Variants in OSBPL10 observed in about 807,000 individuals in gnomAD.
The protein encoded by OSBPL10 is oxysterol-binding protein-related protein 10.
OSBPL10 carries 49 observed loss-of-function variants against 81.7 expected under a neutral mutation model. That is an observed-to-expected ratio of 0.60 (90% CI 0.48 to 0.76). The LOEUF is 0.76. Ranked by LOEUF, OSBPL10 falls within the 30% of genes least tolerant of loss-of-function variation. The pLI, the probability that OSBPL10 is intolerant of heterozygous loss-of-function variation, is 0.00. For synonymous variants in OSBPL10, 419 were observed against 383.6 expected (o/e 1.09, Z -1.08); for missense variants, 923 against 987.8 (o/e 0.93, Z 0.88).
intron 1 of OSBPL10, among the ~76,000 whole-genome samples, chr3:31,917,873 TG>T (rs1458878037): frequency 6.6e-6 from 1 of 151,778 alleles, no homozygotes; most frequent in Non-Finnish European, 1.5e-5. Flanking sequence ...ATACTTAAAA[TG>T]TGTGATTACA....
rs1322548186 is a variant in OSBPL10 at position 31,965,730 on chromosome 3, TA to T, written c.281+15168del. Among the ~76,000 whole-genome samples the T allele has an allele frequency of 1.6e-4, 12 of 73,990 alleles. 2 individuals are homozygous for T. Among genetic ancestry groups the T allele is most frequent in the Non-Finnish European group, 2.5e-4 (11 of 44,300 alleles). The allele number at this position is 73,990 out of a possible 152,430, so 48.5% of individuals were successfully genotyped here. A position where few individuals can be genotyped will look rare whatever the true frequency, so the allele number is the denominator to read the frequency against. ...TATATAAAATATATAATATAATATA[TA>T]TTATCTATTTATATAATATATATTA... On this transcript the variant is annotated intron_variant, in intron 1 of 11. Coordinates refer to ENST00000396556, the MANE Select transcript of OSBPL10 (RefSeq NM_017784.5).
intron 1 of OSBPL10, among the ~76,000 whole-genome samples, chr3:31,973,226 C>T (rs2125494832): frequency 6.6e-6 from 1 of 152,302 alleles, no homozygotes; most frequent in Admixed American, 6.5e-5. Context: ...CCACAAGCAG[C>T]CTCTGAGGAA....
rs554933895 is a variant in OSBPL10 at position 31,717,441 on chromosome 3, T to C, written c.1096-14933A>G. ...TACGCCTATTCCGTCCTGATTTCTG[T>C]AAATATTAACAAACCAAGAAGAAAG... On this transcript the variant is annotated intron_variant, in intron 6 of 11. Transcript: ENST00000396556. Among the ~76,000 whole-genome samples the C allele has an allele frequency of 5.3e-5, 8 of 152,274 alleles. No homozygotes were observed. The South Asian group carries it at 6.2e-4, about 12-fold the overall frequency.
At chr3:32,016,966 T>G (rs1448630456) in intron 2 of OSBPL10, among the ~76,000 whole-genome samples, 1 of 152,188 alleles carries the variant, frequency 6.6e-6, no homozygotes, top group Non-Finnish European at 1.5e-5. Context: ...TGAAAAGTCT[T>G]TACTCCTTAT....
In OSBPL10 at chr3:31,696,426, G is replaced by A. The variant is rs151195429; in HGVS notation, c.1245+5933C>T. Among the ~76,000 whole-genome samples, 514 of 152,196 alleles carry A rather than the reference G, an allele frequency of 3.4e-3. 3 individuals are homozygous for A. The highest frequency in any genetic ancestry group is 0.011 in the African/African-American group (477 of 41,518). On this transcript the variant is annotated intron_variant, in intron 7 of 11. Coordinates refer to ENST00000396556, the MANE Select transcript of OSBPL10 (RefSeq NM_017784.5). ...CTTTAAAGAGCTATCTTTACTCCCC[G>A]TCTTTATACCACATTTTTTCCCATT...
intron 4 of OSBPL10, among the ~76,000 whole-genome samples, chr3:31,812,741 A>G (rs1412101897): frequency 2.1e-4 from 5 of 23,376 alleles, no homozygotes; most frequent in Non-Finnish European, 2.9e-4. Context: ...AAAGAAAGAA[A>G]GAAAGAAAGA....
At chr3:32,074,709 C>T (rs753654888) in intron 1 of OSBPL10, among the ~76,000 whole-genome samples, 3 of 152,096 alleles carry the variant, frequency 2.0e-5, no homozygotes, top group Non-Finnish European at 2.9e-5. Flanking sequence ...CCATGAAAAC[C>T]GAACCCCTCC....
intron 3 of OSBPL10, among the ~76,000 whole-genome samples, chr3:31,839,954 C>T (rs1700452800): frequency 6.7e-6 from 1 of 148,836 alleles, no homozygotes; most frequent in African/African-American, 2.4e-5. Context: ...TTGTTATTTG[C>T]ATACAATTTA....
At chr3:31,875,552 C>CT (rs1355287004) in intron 3 of OSBPL10, among the ~76,000 whole-genome samples, 3 of 54,232 alleles carry the variant, frequency 5.5e-5, no homozygotes, top group South Asian at 2.3e-3. Context: ...GGGGATGTTT[C>CT]TTTAAAAAAA....
chr3:32,019,649 T>C (rs956284467), intron 2 of OSBPL10, among the ~76,000 whole-genome samples: 2 of 152,226 alleles, frequency 1.3e-5, no homozygotes, highest in African/African-American at 4.8e-5. Context: ...TTGGCCTCAT[T>C]TGTAAATATC....
At chr3:31,961,506 T>A (rs1223362984) in intron 1 of OSBPL10, among the ~76,000 whole-genome samples, 1 of 152,188 alleles carries the variant, frequency 6.6e-6, no homozygotes, top group African/African-American at 2.4e-5. Flanking sequence ...CTAAAACTGC[T>A]CTATTTAGAG....
At chr3:31,748,217 T>C (rs538733013) in intron 4 of OSBPL10, 97 bp from the exon 5 acceptor site, 1 of 1,069,710 alleles carries the variant, frequency 9.3e-7, no homozygotes, top group East Asian at 2.6e-5. Context: ...TAAAACTAGG[T>C]GAGGGTCAAC....
chr3:32,042,337 A>T (rs1559553949), intron 2 of OSBPL10, among the ~76,000 whole-genome samples: 2 of 152,298 alleles, frequency 1.3e-5, no homozygotes, highest in East Asian at 3.9e-4. Context: ...GCATAATAAC[A>T]TGGTTTGTTT....
In OSBPL10 at chr3:31,783,146, T is replaced by TATATATATATATACAC. The variant is rs1485968747; in HGVS notation, c.730-35027_730-35026insGTGTATATATATATAT. On this transcript the variant is annotated intron_variant, in intron 4 of 11. Coordinates refer to ENST00000396556, the MANE Select transcript of OSBPL10 (RefSeq NM_017784.5). ...ATATATATATATATATATATATATATACACACACACCATAGAATACTACTC... is the reference window on the plus strand; with the variant it reads ...ATATATATATATATATATATATATATATATATATATATACACACACACACACCATAGAATACTACTC... 9.0e-3 allele frequency among the ~76,000 whole-genome samples: 1,020 copies of TATATATATATATACAC among 112,818 alleles called. 40 individuals are homozygous for TATATATATATATACAC. Among genetic ancestry groups the TATATATATATATACAC allele is most frequent in the African/African-American group, 0.036 (941 of 25,870 alleles). 74.0% of individuals were successfully genotyped at this position (112,818 alleles called of 152,430 possible).
intron 2 of OSBPL10, chr3:31,990,109 T>C: frequency 6.2e-7 from 1 of 1,611,692 alleles, no homozygotes; most frequent in Non-Finnish European, 8.5e-7. Context: ...ACCATACAAA[T>C]GTAAGGTTTG....
chr3:31,838,836 A>G (rs1305871391), intron 3 of OSBPL10, among the ~76,000 whole-genome samples: 1 of 152,244 alleles, frequency 6.6e-6, no homozygotes, highest in East Asian at 1.9e-4. Context: ...TAAATTGTTT[A>G]TATGGTTTTT....
chr3:31,749,877 T>C (rs1351277693), intron 4 of OSBPL10, among the ~76,000 whole-genome samples: 1 of 151,744 alleles, frequency 6.6e-6, no homozygotes, highest in Admixed American at 6.6e-5. Context: ...CCCAAACCAC[T>C]TCATTTAAAA....
At chr3:31,874,642 T>G (rs1374957614) in intron 3 of OSBPL10, among the ~76,000 whole-genome samples, 1 of 152,094 alleles carries the variant, frequency 6.6e-6, no homozygotes, top group Admixed American at 6.5e-5. Context: ...ATTTTAGACA[T>G]GAAAATAAAA....
chr3:31,718,124 TCTTC>T (rs1696511979), intron 6 of OSBPL10: 1 of 151,764 alleles, frequency 6.6e-6, no homozygotes, highest in Non-Finnish European at 1.5e-5. Flanking sequence ...CATTTCTTCT[TCTTC>T]TTTTTTTTTT....
Sources: allele counts gnomAD v4.1 joint callset (sites outside exome capture counted in the v4.1 genomes callset), GRCh38; gene constraint gnomAD v4.1.1; transcripts MANE v1.5; gene names NCBI Gene and HGNC (gene_info 2026-07-23, HGNC 2026-07-21).